Variants in PCDHGA4 observed in about 807,000 individuals in gnomAD.
The protein encoded by PCDHGA4 is protocadherin gamma subfamily A, 4.
In PCDHGA4, 38 loss-of-function variants were observed where a neutral mutation model predicts 54.6. The observed-to-expected ratio is 0.70, with a 90% confidence interval of 0.54 to 0.91. The LOEUF (loss-of-function observed/expected upper bound fraction) is 0.91. Ranked by LOEUF, PCDHGA4 falls within the 40% of genes least tolerant of loss-of-function variation. PCDHGA4 has a pLI of 0.00. For synonymous variants in PCDHGA4, 511 were observed against 512.9 expected (o/e 1.00, Z 0.05); for missense variants, 1,298 against 1,220.9 (o/e 1.06, Z -0.94).
chr5:141,503,812 G>C (rs2099831825), intron 2 of PCDHGA4, among the ~76,000 whole-genome samples: 1 of 152,114 alleles, frequency 6.6e-6, no homozygotes, highest in South Asian at 2.1e-4. Context: ...GGGAATCCCA[G>C]ATTGGGCAAA....
chr5:141,366,178 C>T (rs778986920), intron 1 of PCDHGA4: 3 of 1,614,044 alleles, frequency 1.9e-6, no homozygotes, highest in East Asian at 2.2e-5. Context: ...AGCCAGGACT[C>T]TTTGCGGTTG....
intron 1 of PCDHGA4, chr5:141,383,563 C>T: frequency 6.2e-7 from 1 of 1,613,152 alleles, no homozygotes; most frequent in South Asian, 1.1e-5. Context: ...CGACCCGCCC[C>T]GATCCAGCAC....
intron 1 of PCDHGA4, among the ~76,000 whole-genome samples, chr5:141,435,794 C>T (rs993951734): frequency 2.6e-5 from 4 of 151,934 alleles, no homozygotes; most frequent in Admixed American, 6.6e-5. Flanking sequence ...GGAAACATAA[C>T]GTCCCAATTA....
At chr5:141,404,186 C>G in intron 1 of PCDHGA4, 1 of 1,613,086 alleles carries the variant, frequency 6.2e-7, no homozygotes, top group Non-Finnish European at 8.5e-7. Flanking sequence ...AATTCTTGAC[C>G]GAGAAAAAGC....
At chr5:141,501,987 G>A (rs1462571527) in intron 2 of PCDHGA4, among the ~76,000 whole-genome samples, 2 of 152,016 alleles carry the variant, frequency 1.3e-5, no homozygotes, top group Non-Finnish European at 2.9e-5. Flanking sequence ...TGGTCCCGTT[G>A]TCTCCCTGAC....
At chr5:141,463,583 G>A (rs1444995569) in intron 1 of PCDHGA4, among the ~76,000 whole-genome samples, 1 of 151,598 alleles carries the variant, frequency 6.6e-6, no homozygotes, top group African/African-American at 2.4e-5. Flanking sequence ...CGAGTAGCTG[G>A]GACTACAGGT....
intron 1 of PCDHGA4, chr5:141,394,001 G>T: frequency 6.2e-7 from 1 of 1,613,458 alleles, no homozygotes; most frequent in Non-Finnish European, 8.5e-7. Flanking sequence ...AATTAGAAAA[G>T]TCAATAGGTA....
intron 3 of PCDHGA4, among the ~76,000 whole-genome samples, chr5:141,506,700 G>GT (rs1446452157): frequency 2.0e-5 from 3 of 152,138 alleles, no homozygotes; most frequent in Admixed American, 1.3e-4. Context: ...ACCCAAACCC[G>GT]TTTTTTACTG....
chr5:141,372,264 G>GGTGAGGTGC, intron 1 of PCDHGA4: 1 of 1,613,138 alleles, frequency 6.2e-7, no homozygotes, highest in Non-Finnish European at 8.5e-7. Flanking sequence ...CCTGCGCACG[G>GGTGAGGTGC]GTGAGGTGCG....
chr5:141,374,107 G>A, intron 1 of PCDHGA4: 3 of 1,573,706 alleles, frequency 1.9e-6, no homozygotes, highest in Non-Finnish European at 8.6e-7. Flanking sequence ...AGAGGCATCC[G>A]CAGCGCAGCG....
chr5:141,478,163 C>G (rs779617960), intron 1 of PCDHGA4: 22 of 1,614,028 alleles, frequency 1.4e-5, no homozygotes, highest in Non-Finnish European at 1.9e-5. Context: ...TGGCTCTGCC[C>G]CCCGGGAGCA....
chr5:141,422,228 T>C (rs1561800204), intron 1 of PCDHGA4: 1 of 1,565,566 alleles, frequency 6.4e-7, no homozygotes, highest in Non-Finnish European at 8.6e-7. Flanking sequence ...ACCACGACGA[T>C]GTTGATCACT....
At chr5:141,460,961 A>ATG (rs35821115) in intron 1 of PCDHGA4, among the ~76,000 whole-genome samples, 128 of 144,610 alleles carry the variant, frequency 8.9e-4, no homozygotes, top group Middle Eastern at 7.1e-3. Context: ...GTATATATAT[A>ATG]TGTGTGTGTG....
At chr5:141,421,271 T>G in intron 1 of PCDHGA4, 1 of 1,612,330 alleles carries the variant, frequency 6.2e-7, no homozygotes, top group Non-Finnish European at 8.5e-7. Context: ...CGGCTGCTGC[T>G]GCTGCTGTGC....
chr5:141,437,262 G>A (rs1490690532), intron 1 of PCDHGA4, among the ~76,000 whole-genome samples: 1 of 152,152 alleles, frequency 6.6e-6, no homozygotes, highest in Non-Finnish European at 1.5e-5. Flanking sequence ...CTTTTTATGT[G>A]TATGACAGAT....
At position 141,477,539 on chromosome 5, in the gene PCDHGA4, C is replaced by G; in HGVS notation, c.2515-17268C>G. 2 of 1,614,172 alleles carry G rather than the reference C, an allele frequency of 1.2e-6. No individual in the cohort carries two copies. The highest frequency in any genetic ancestry group is 1.7e-6 in the Non-Finnish European group (2 of 1,180,030). On this transcript the variant is annotated intron_variant, in intron 1 of 3. Transcript: ENST00000571252. The surrounding 1 kb of genome is among the most constrained non-coding windows in gnomAD (Gnocchi z 4.9). ...TGAAGAAAACAACCTCCCCGGGGCT[C>G]CAATACTAAACCTAAGTGTCTGGGA...
intron 1 of PCDHGA4, chr5:141,388,909 C>T: frequency 6.2e-7 from 1 of 1,613,902 alleles, no homozygotes. Flanking sequence ...AATGACAACG[C>T]CCCAGAAGTG....
In PCDHGA4 at chr5:141,435,388, G is replaced by T. The variant is rs186494703; in HGVS notation, c.2515-59419G>T. Among the ~76,000 whole-genome samples, 241 of 152,094 alleles carry T rather than the reference G, an allele frequency of 1.6e-3. 5 individuals carry two copies. Among genetic ancestry groups the T allele is most frequent in the Non-Finnish European group, 2.1e-4 (14 of 67,992 alleles). The stretch of plus-strand genomic sequence containing the variant: ...ACTTAAATATACAATATACCGTATT[G>T]CCATGACGAAAAATGGTAAAGACTA... On this transcript the variant is annotated intron_variant, in intron 1 of 3. Transcript: ENST00000571252.
intron 1 of PCDHGA4, 138 bp downstream of exon 1, chr5:141,357,759 T>G: frequency 9.6e-7 from 1 of 1,044,694 alleles, no homozygotes; most frequent in Non-Finnish European, 1.4e-6. Flanking sequence ...AACTGGTGGA[T>G]GACCTTCCAA....
Sources: allele counts gnomAD v4.1 joint callset (sites outside exome capture counted in the v4.1 genomes callset), GRCh38; gene constraint gnomAD v4.1.1; non-coding constraint Gnocchi (gnomAD v3.1); transcripts MANE v1.5; gene names NCBI Gene and HGNC (gene_info 2026-07-23, HGNC 2026-07-21).